The following TBC1D32 variants were observed in gnomAD, a reference collection of about 807,000 sequenced individuals.
The protein encoded by TBC1D32 is protein broad-minded.
Under a neutral mutation model 170.3 loss-of-function variants are expected in TBC1D32, and 151 were observed. That is an observed-to-expected ratio of 0.89 (90% confidence interval 0.78 to 1.01). TBC1D32 has a LOEUF of 1.01. TBC1D32 is among the 50% of genes least tolerant of loss of function. The probability of loss-of-function intolerance (pLI) is 0.00; values close to 1 mark genes in which losing one functional copy is unlikely to be tolerated. For missense variants in TBC1D32, 1,464 were observed against 1,457.1 expected (o/e 1.00, Z -0.08); for synonymous variants, 498 against 488.0 (o/e 1.02, Z -0.27).
At chr6:121,084,915 A>T (rs1322408172) in intron 31 of TBC1D32, among the ~76,000 whole-genome samples, 2 of 152,186 alleles carry the variant, frequency 1.3e-5, no homozygotes, top group Non-Finnish European at 1.5e-5. Flanking sequence ...GATGATTTTT[A>T]AAATATAATA....
chr6:121,121,095 C>T (rs908158300), intron 26 of TBC1D32, among the ~76,000 whole-genome samples: 1 of 151,882 alleles, frequency 6.6e-6, no homozygotes, highest in Non-Finnish European at 1.5e-5. Flanking sequence ...AGGAGTTTGA[C>T]ACCTAATGTA....
upstream of TBC1D32, chr6:121,334,711 CA>C: frequency 2.2e-6 from 1 of 451,556 alleles, no homozygotes. Flanking sequence ...CGACTAACAA[CA>C]AAAGAGACAT....
At chr6:121,244,684 G>A (rs1444617448) in intron 17 of TBC1D32, among the ~76,000 whole-genome samples, 1 of 152,140 alleles carries the variant, frequency 6.6e-6, no homozygotes, top group Non-Finnish European at 1.5e-5. Context: ...AGATACACAT[G>A]AGCATATTAT....
intron 24 of TBC1D32, among the ~76,000 whole-genome samples, chr6:121,136,228 A>C (rs1236654719): frequency 6.6e-6 from 1 of 152,224 alleles, no homozygotes; most frequent in Non-Finnish European, 1.5e-5. Flanking sequence ...CTGCCATCTC[A>C]GTAAAAAGAG....
At chr6:121,324,688 T>C (rs1249959756) in intron 1 of TBC1D32, among the ~76,000 whole-genome samples, 1 of 152,246 alleles carries the variant, frequency 6.6e-6, no homozygotes, top group Non-Finnish European at 1.5e-5. Context: ...TTCCTATGTA[T>C]ACTAAATATT....
chr6:121,088,272 A>G (rs1001456980), intron 31 of TBC1D32, among the ~76,000 whole-genome samples: 1 of 152,090 alleles, frequency 6.6e-6, no homozygotes, highest in Non-Finnish European at 1.5e-5. Context: ...AGAATTATTG[A>G]TAAGTCTTTT....
intron 29 of TBC1D32, among the ~76,000 whole-genome samples, chr6:121,108,540 A>G (rs1434292215): frequency 6.6e-6 from 1 of 152,144 alleles, no homozygotes; most frequent in East Asian, 1.9e-4. Context: ...AAAATTGTCA[A>G]TAAAGACATT....
chr6:121,283,853 GGTGA>G lies in TBC1D32; in HGVS notation c.1426_1429del (p.Ser476GlnfsTer6). On this transcript the variant is annotated frameshift_variant, in exon 13 of 32. Coordinates refer to ENST00000398212, the MANE Select transcript of TBC1D32 (RefSeq NM_152730.6). LOFTEE classifies it high-confidence loss of function. ...AGCTGATGTCATCTTTGGACAACTT[GGTGA>G]GTAATAGATAAGTTGGGTAAAAAGA... 1 of 1,610,958 alleles carries G rather than the reference GGTGA, an allele frequency of 6.2e-7. No individual in the cohort carries two copies. The highest frequency in any genetic ancestry group is 8.5e-7 in the Non-Finnish European group (1 of 1,178,236).
chr6:121,098,946 T>C (rs1777719337), intron 30 of TBC1D32, among the ~76,000 whole-genome samples: 1 of 152,046 alleles, frequency 6.6e-6, no homozygotes, highest in East Asian at 1.9e-4. Flanking sequence ...TATGCCTTTA[T>C]AAATCTGACT....
chr6:121,170,398 T>G, intron 22 of TBC1D32: 1 of 1,597,354 alleles, frequency 6.3e-7, no homozygotes, highest in Non-Finnish European at 8.5e-7. Flanking sequence ...TAATCACCCA[T>G]TTTTACCTGT....
In TBC1D32 at chr6:121,269,302, A is replaced by G. The variant is rs370457179; in HGVS notation, c.1733+9819T>C. Among the ~76,000 whole-genome samples, 31 of 152,296 alleles carry G rather than the reference A, an allele frequency of 2.0e-4. No homozygotes were observed. The East Asian group carries it at 3.9e-3, about 19-fold the overall frequency. ...GAAAATGGGCTAAATGCTCCAATTA[A>G]AAGACATAGACTGGCAAATTGGATA... On this transcript the variant is annotated intron_variant, in intron 15 of 31. Transcript: ENST00000398212.
Position 121,327,449 on chromosome 6 carries a change from G to A in TBC1D32, c.156-5655C>T, listed in dbSNP as rs115611508. On this transcript the variant is annotated intron_variant, in intron 1 of 31. Transcript: ENST00000398212. ...ACTGATTTTTTAATCAAATATTCCCGTTGCATCATTTTTAGAAAATAATCT... is the reference window on the plus strand; with the variant it reads ...ACTGATTTTTTAATCAAATATTCCCATTGCATCATTTTTAGAAAATAATCT... Among the ~76,000 whole-genome samples, 1,322 of 152,094 alleles carry A rather than the reference G, an allele frequency of 8.7e-3. 16 individuals are homozygous for A. Among genetic ancestry groups the A allele is most frequent in the African/African-American group, 0.03 (1,253 of 41,462 alleles).
intron 5 of TBC1D32, among the ~76,000 whole-genome samples, chr6:121,307,168 A>T (rs939852737): frequency 6.6e-6 from 1 of 151,892 alleles, no homozygotes; most frequent in Non-Finnish European, 1.5e-5. Context: ...TGAGCCCAGG[A>T]GTTCAAGACC....
chr6:121,235,503 G>A (rs772078365), intron 20 of TBC1D32, among the ~76,000 whole-genome samples: 1 of 152,122 alleles, frequency 6.6e-6, no homozygotes, highest in Non-Finnish European at 1.5e-5. Context: ...CCTCTCCTGA[G>A]TCATACAAAT....
chr6:121,211,125 A>C (rs1272711855), intron 21 of TBC1D32, among the ~76,000 whole-genome samples: 1 of 152,216 alleles, frequency 6.6e-6, no homozygotes, highest in Non-Finnish European at 1.5e-5. Flanking sequence ...ACATCCACAT[A>C]ATGGACTATT....
chr6:121,333,973 T>C (rs1811533742), intron 1 of TBC1D32, among the ~76,000 whole-genome samples: 1 of 152,000 alleles, frequency 6.6e-6, no homozygotes, highest in Admixed American at 6.6e-5. Context: ...AGGCTGAGGC[T>C]GGAGAATCGC....
At chr6:121,094,879 T>C (rs1035419907) in intron 30 of TBC1D32, among the ~76,000 whole-genome samples, 8 of 152,186 alleles carry the variant, frequency 5.3e-5, no homozygotes, top group African/African-American at 1.7e-4. Context: ...TTCAAATTTT[T>C]TTCCCAGTGT....
Position 121,242,272 on chromosome 6 carries a change from G to T in TBC1D32, c.2086C>A (p.Leu696Ile). ...HFAATPKGLL[L>I]LQRTGAINEC... ...TTGATAGCACCTGTTCTTTGAAGAA[G>T]TAGTAATCCTTTGGGGGTGGCAGCA... The change falls in exon 18 of 32, where the codon CTT becomes ATT. Residue 696 changes from leucine to isoleucine, a missense_variant. Coordinates refer to ENST00000398212, the MANE Select transcript of TBC1D32 (RefSeq NM_152730.6). 1 of 1,612,666 alleles carries T rather than the reference G, an allele frequency of 6.2e-7. No homozygotes were observed. Among genetic ancestry groups the T allele is most frequent in the Non-Finnish European group, 8.5e-7 (1 of 1,179,188 alleles).
chr6:121,234,051 A>G (rs1401086320), intron 20 of TBC1D32, among the ~76,000 whole-genome samples: 1 of 152,158 alleles, frequency 6.6e-6, no homozygotes, highest in Admixed American at 6.5e-5. Context: ...AATCCCTTCT[A>G]GCTTGTAGGG....
Sources: allele counts gnomAD v4.1 joint callset (sites outside exome capture counted in the v4.1 genomes callset), GRCh38; gene constraint gnomAD v4.1.1; transcripts MANE v1.5; gene names NCBI Gene and HGNC (gene_info 2026-07-23, HGNC 2026-07-21).